Variants in EHBP1 observed in about 807,000 individuals in gnomAD.
EHBP1 encodes EH domain binding protein 1, also known as EH domain-binding protein 1.
EHBP1 carries 55 observed loss-of-function variants against 144.0 expected under a neutral mutation model. The ratio of observed to expected loss-of-function variants is 0.38; its 90% CI spans 0.31 to 0.48. The LOEUF (loss-of-function observed/expected upper bound fraction) is 0.48, where lower values mean the gene tolerates loss of function less well. Ranked by LOEUF, EHBP1 falls within the 20% of genes least tolerant of loss-of-function variation. The pLI is 0.98. For missense variants in EHBP1, 1,200 were observed against 1,364.2 expected, an observed-to-expected ratio of 0.88 and a Z score of 1.90; for synonymous variants, 469 against 472.7, an observed-to-expected ratio of 0.99 and a Z score of 0.10.
At chr2:62,821,172 C>T (rs2045955280) in intron 5 of EHBP1, among the ~76,000 whole-genome samples, 1 of 151,938 alleles carries the variant, frequency 6.6e-6, no homozygotes, top group African/African-American at 2.4e-5. Context: ...GCACCTTTAC[C>T]TCTAGTCCTC....
At chr2:62,784,195 C>A (rs1051586931) in intron 5 of EHBP1, among the ~76,000 whole-genome samples, 11 of 152,138 alleles carry the variant, frequency 7.2e-5, no homozygotes, top group African/African-American at 2.4e-5. Context: ...TATATTAAAT[C>A]TTTTCAGCCA....
chr2:62,746,133 T>C (rs1475924206), intron 2 of EHBP1, among the ~76,000 whole-genome samples: 3 of 152,106 alleles, frequency 2.0e-5, no homozygotes, highest in African/African-American at 7.2e-5. Context: ...TTGGCTACTG[T>C]TCTCCTCTTG....
chr2:63,038,086 T>C (rs999837071), intron 20 of EHBP1, among the ~76,000 whole-genome samples: 1 of 152,120 alleles, frequency 6.6e-6, no homozygotes, highest in African/African-American at 2.4e-5. Context: ...AAGTGACCTT[T>C]TTGTGATTAT....
At chr2:62,692,746 T>A (rs906979573) in intron 1 of EHBP1, among the ~76,000 whole-genome samples, 4 of 151,024 alleles carry the variant, frequency 2.6e-5, no homozygotes, top group Admixed American at 6.6e-5. Flanking sequence ...AATTTTTTTT[T>A]AATTTTTGTG....
chr2:63,037,745 G>T, intron 20 of EHBP1, 111 bp downstream of exon 20: 1 of 609,484 alleles, frequency 1.6e-6, no homozygotes. Context: ...CCTTTCCTTA[G>T]CGATTACATG....
chr2:62,792,397 G>C (rs927459257), intron 5 of EHBP1, among the ~76,000 whole-genome samples: 5 of 151,994 alleles, frequency 3.3e-5, no homozygotes, highest in African/African-American at 1.2e-4. Context: ...CCCAGAGTCA[G>C]ATGTATTAGT....
chr2:63,035,922 A>AT (rs2061424669), intron 19 of EHBP1, among the ~76,000 whole-genome samples: 1 of 152,038 alleles, frequency 6.6e-6, no homozygotes, highest in Non-Finnish European at 1.5e-5. Context: ...AGCTACCCTA[A>AT]AAGAGAGATT....
At chr2:62,802,883 C>T (rs2044130295) in intron 5 of EHBP1, among the ~76,000 whole-genome samples, 1 of 152,082 alleles carries the variant, frequency 6.6e-6, no homozygotes, top group Admixed American at 6.5e-5. Flanking sequence ...CACCACCACG[C>T]CCAACTAATT....
chr2:62,747,399 C>A lies in EHBP1; in HGVS notation c.109C>A (p.Pro37Thr). Reference protein sequence around the residue: ...LMVECTKKWQPDKLVVVWTRR... With the variant: ...LMVECTKKWQTDKLVVVWTRR... ...AACTTTTTTTTTGTTTGGCAGGCAACCAGATAAACTGGTGGTAGTTTGGAC... is the reference window on the plus strand; with the variant it reads ...AACTTTTTTTTTGTTTGGCAGGCAAACAGATAAACTGGTGGTAGTTTGGAC... The change falls in exon 3 of 23, where the codon CCA becomes ACA. Residue 37 changes from proline to threonine, a missense_variant. Physicochemically the swap from Pro to Thr is conservative, Grantham distance 38. Transcript: ENST00000431489. 6.2e-7 allele frequency: 1 copy of A among 1,608,240 alleles called. No homozygotes were observed. The highest frequency in any genetic ancestry group is 8.5e-7 in the Non-Finnish European group (1 of 1,177,288).
At chr2:62,869,756 A>ATTTT (rs1164777070) in intron 9 of EHBP1, among the ~76,000 whole-genome samples, 1 of 152,232 alleles carries the variant, frequency 6.6e-6, no homozygotes, top group Non-Finnish European at 1.5e-5. Flanking sequence ...TACTCATTAA[A>ATTTT]TATTTTCAAA....
At chr2:62,756,085 G>A (rs2040251501) in intron 3 of EHBP1, among the ~76,000 whole-genome samples, 1 of 150,370 alleles carries the variant, frequency 6.7e-6, no homozygotes, top group South Asian at 2.1e-4. Context: ...ACCGGCATGG[G>A]CGACATGGTG....
chr2:62,677,753 C>T (rs1040947904), intron 1 of EHBP1, among the ~76,000 whole-genome samples: 2 of 152,100 alleles, frequency 1.3e-5, no homozygotes, highest in Non-Finnish European at 2.9e-5. Context: ...GTTTCTGTTC[C>T]TGGCTTATTT....
At chr2:63,033,335 C>T (rs931033176) in intron 19 of EHBP1, among the ~76,000 whole-genome samples, 4 of 152,048 alleles carry the variant, frequency 2.6e-5, no homozygotes, top group Non-Finnish European at 5.9e-5. Context: ...TATGTTCTGT[C>T]CTTTAAGGGC....
chr2:63,038,118 T>G (rs994937171), intron 20 of EHBP1, among the ~76,000 whole-genome samples: 4 of 151,908 alleles, frequency 2.6e-5, no homozygotes, highest in Non-Finnish European at 5.9e-5. Flanking sequence ...TAAAATGGAG[T>G]CTAGACAAAA....
intron 1 of EHBP1, chr2:62,706,662 G>A (rs1364404408): frequency 6.5e-6 from 1 of 154,550 alleles, no homozygotes; most frequent in Non-Finnish European, 1.4e-5. Context: ...ATTGTTGTTG[G>A]TGCTGACTAC....
In EHBP1 at chr2:62,948,553, A is replaced by C; in HGVS notation, c.1707A>C (p.Ala569=). 3 of 1,614,162 alleles carry C rather than the reference A, an allele frequency of 1.9e-6. No homozygotes were observed. Among genetic ancestry groups the C allele is most frequent in the Non-Finnish European group, 2.5e-6 (3 of 1,180,000 alleles). The change falls in exon 13 of 23, where the codon GCA becomes GCC. Residue 569 remains alanine (A), a synonymous_variant. Coordinates refer to ENST00000431489, the MANE Select transcript of EHBP1 (RefSeq NM_001142616.3). ...EPELQQPISG[A]VDFLSQDDSV... ...AACTACAACAGCCTATCAGCGGAGC[A>C]GTAGACTTCTTATCACAGGATGACT...
In EHBP1 at chr2:62,831,011, T is replaced by C. The variant is rs964472501; in HGVS notation, c.495-8T>C. On this transcript the variant is annotated splice_region_variant and splice_polypyrimidine_tract_variant and intron_variant, in intron 6 of 22. Coordinates refer to ENST00000431489, the MANE Select transcript of EHBP1 (RefSeq NM_001142616.3). ...TACAATGTGTTATATTTTGAATCAT[T>C]GATGTAGAGATGAAGACATGCAAAG... 3 of 1,610,422 alleles carry C rather than the reference T, an allele frequency of 1.9e-6. No individual in the cohort carries two copies. Among genetic ancestry groups the C allele is most frequent in the East Asian group, 2.2e-5 (1 of 44,628 alleles).
intron 2 of EHBP1, among the ~76,000 whole-genome samples, chr2:62,739,364 G>A (rs1414348004): frequency 6.6e-6 from 1 of 151,460 alleles, no homozygotes; most frequent in Non-Finnish European, 1.5e-5. Context: ...TGTTTGGACT[G>A]AGGAATGGTC....
chr2:62,937,014 G>A (rs376554321), intron 10 of EHBP1, among the ~76,000 whole-genome samples: 2 of 152,158 alleles, frequency 1.3e-5, no homozygotes, highest in Non-Finnish European at 2.9e-5. Flanking sequence ...TCTTGTTCTA[G>A]TTCTAGCCAG....
Sources: gnomAD v4.1 joint callset for allele counts (sites outside exome capture counted in the v4.1 genomes callset) on GRCh38, gnomAD v4.1.1 for gene constraint, MANE v1.5 for transcripts, NCBI Gene and HGNC (gene_info 2026-07-23, HGNC 2026-07-21) for gene names.